Variants in RAPGEF5 observed in about 807,000 individuals in gnomAD.
RAPGEF5 encodes the protein M-Ras-regulated GEF.
Under a neutral mutation model 125.2 loss-of-function variants are expected in RAPGEF5, and 65 were observed. The ratio of observed to expected loss-of-function variants is 0.52; its 90% CI spans 0.43 to 0.64. The LOEUF is 0.64. RAPGEF5 is among the 30% of genes least tolerant of loss of function. RAPGEF5 has a pLI of 0.00. For missense variants in RAPGEF5, 958 were observed against 1,048.1 expected (o/e 0.91, Z 1.19); for synonymous variants, 391 against 385.9 (o/e 1.01, Z -0.16).
intron 11 of RAPGEF5, chr7:22,191,727 A>G: frequency 2.1e-6 from 1 of 466,810 alleles, no homozygotes; most frequent in East Asian, 7.0e-5. Context: ...CATTAGCAAC[A>G]ATAATAAGGG....
intron 11 of RAPGEF5, among the ~76,000 whole-genome samples, chr7:22,187,250 G>T (rs573899624): frequency 6.6e-6 from 1 of 152,218 alleles, no homozygotes; most frequent in East Asian, 1.9e-4. Context: ...AACATATTTT[G>T]CAAGGAAAGA....
chr7:22,170,147 C>A (rs116540118), intron 11 of RAPGEF5, among the ~76,000 whole-genome samples: 1,653 of 152,272 alleles, frequency 0.011, 30 homozygotes, highest in African/African-American at 0.038. Flanking sequence ...CTTCGCCTCC[C>A]AGGTTCAAGT....
intron 9 of RAPGEF5, among the ~76,000 whole-genome samples, chr7:22,210,309 G>A (rs929690678): frequency 6.6e-6 from 1 of 152,186 alleles, no homozygotes; most frequent in African/African-American, 2.4e-5. Context: ...GGGAATGTTA[G>A]AATTCTTTAT....
At chr7:22,177,306 T>C (rs1230930250) in intron 11 of RAPGEF5, among the ~76,000 whole-genome samples, 1 of 152,204 alleles carries the variant, frequency 6.6e-6, no homozygotes, top group African/African-American at 2.4e-5. Context: ...CCAGCATATG[T>C]CATTGGCCTT....
intron 23 of RAPGEF5, among the ~76,000 whole-genome samples, chr7:22,133,545 A>C (rs1245487292): frequency 1.3e-5 from 2 of 152,202 alleles, no homozygotes; most frequent in East Asian, 1.9e-4. Context: ...GACTTTGAAG[A>C]GATGGCAAGT....
chr7:22,194,152 T>C, intron 9 of RAPGEF5, 119 bp from the exon 10 acceptor site: 1 of 841,276 alleles, frequency 1.2e-6, no homozygotes, highest in Middle Eastern at 2.4e-4. Flanking sequence ...CAGTATCATC[T>C]CTTCAAAGAT....
At chr7:22,199,568 C>T (rs1273915038) in intron 9 of RAPGEF5, among the ~76,000 whole-genome samples, 2 of 126,098 alleles carry the variant, frequency 1.6e-5, no homozygotes, top group Non-Finnish European at 3.2e-5. Flanking sequence ...AGGAACTGAG[C>T]AGAGATGAGT....
chr7:22,191,379 A>G, intron 11 of RAPGEF5: 3 of 346,348 alleles, frequency 8.7e-6, no homozygotes, highest in Non-Finnish European at 1.2e-5. Flanking sequence ...TCCAAAGTTG[A>G]CTTTTCCATT....
chr7:22,287,302 T>G (rs1471441667), intron 6 of RAPGEF5, among the ~76,000 whole-genome samples: 1 of 152,170 alleles, frequency 6.6e-6, no homozygotes, highest in African/African-American at 2.4e-5. Context: ...ACATTCTTAT[T>G]TCTACACATG....
chr7:22,198,264 T>C (rs575432895), intron 9 of RAPGEF5, among the ~76,000 whole-genome samples: 1 of 152,320 alleles, frequency 6.6e-6, no homozygotes, highest in African/African-American at 2.4e-5. Context: ...ATCGTCAAAC[T>C]CTGCTGGTGT....
At chr7:22,191,853 G>T (rs914002120) in intron 11 of RAPGEF5, among the ~76,000 whole-genome samples, 1 of 152,144 alleles carries the variant, frequency 6.6e-6, no homozygotes, top group African/African-American at 2.4e-5. Context: ...ATGAAGCTAG[G>T]CCTGGGCAGG....
At chr7:22,139,157 T>G (rs550874707) in intron 21 of RAPGEF5, among the ~76,000 whole-genome samples, 1 of 151,784 alleles carries the variant, frequency 6.6e-6, no homozygotes, top group Non-Finnish European at 1.5e-5. Context: ...CTTGTAGGAG[T>G]TTGAGTTGGG....
At chr7:22,236,032 C>T (rs561510910) in intron 7 of RAPGEF5, among the ~76,000 whole-genome samples, 125 of 152,256 alleles carry the variant, frequency 8.2e-4, no homozygotes, top group African/African-American at 3.0e-3. Context: ...CCTGGCCCAT[C>T]CAGTGCCATT....
rs528404354 is a variant in RAPGEF5 at position 22,288,708 on chromosome 7, G to A, written c.747+2467C>T. Among the ~76,000 whole-genome samples, 3 of 152,062 alleles carry A rather than the reference G, an allele frequency of 2.0e-5. No individual in the cohort carries two copies. In the South Asian group the frequency reaches 6.2e-4, roughly 32 times the overall value. On this transcript the variant is annotated intron_variant, in intron 6 of 25. Transcript: ENST00000665637. Reference sequence around the variant, plus strand: ...CAGCTAATTTTTTGTATTTTTAGTAGAGATGGGGTTTCACCGTGTTAGCCA... The same window carrying A: ...CAGCTAATTTTTTGTATTTTTAGTAAAGATGGGGTTTCACCGTGTTAGCCA...
At chr7:22,148,956 A>G (rs1322391718) in intron 18 of RAPGEF5, among the ~76,000 whole-genome samples, 2 of 152,214 alleles carry the variant, frequency 1.3e-5, no homozygotes, top group African/African-American at 4.8e-5. Context: ...GTTATGTTTC[A>G]CTGACAGAAT....
chr7:22,212,480 C>T (rs1312339634), intron 9 of RAPGEF5, among the ~76,000 whole-genome samples: 1 of 152,226 alleles, frequency 6.6e-6, no homozygotes, highest in Non-Finnish European at 1.5e-5. Flanking sequence ...TCTCGCAGAA[C>T]ATCAGTTCAT....
At chr7:22,271,253 T>G (rs1204110085) in intron 6 of RAPGEF5, among the ~76,000 whole-genome samples, 1 of 152,196 alleles carries the variant, frequency 6.6e-6, no homozygotes, top group African/African-American at 2.4e-5. Context: ...CAGTGTGCAT[T>G]GTTGTTTCCA....
chr7:22,263,610 T>A (rs1003612289), intron 7 of RAPGEF5, among the ~76,000 whole-genome samples: 3 of 151,856 alleles, frequency 2.0e-5, no homozygotes, highest in Non-Finnish European at 4.4e-5. Flanking sequence ...CATGCCTGTA[T>A]TCCCAGCTAC....
At chr7:22,327,442 T>C (rs949431102) in intron 1 of RAPGEF5, among the ~76,000 whole-genome samples, 1 of 152,360 alleles carries the variant, frequency 6.6e-6, no homozygotes, top group African/African-American at 2.4e-5. Context: ...GCATTCTGTG[T>C]AGCTAATTAT....
Sources: gnomAD v4.1 joint callset for allele counts (sites outside exome capture counted in the v4.1 genomes callset) on GRCh38, gnomAD v4.1.1 for gene constraint, MANE v1.5 for transcripts, NCBI Gene and HGNC (gene_info 2026-07-23, HGNC 2026-07-21) for gene names.